CEP83: variants seen among roughly 807,000 people sequenced by gnomAD.
CEP83 encodes the protein centrosomal protein 83.
A neutral mutation model predicts 101.9 loss-of-function variants in CEP83; 70 were observed. The ratio of observed to expected loss-of-function variants is 0.69; its 90% confidence interval spans 0.57 to 0.84. The LOEUF (loss-of-function observed/expected upper bound fraction) is 0.84, where lower values mean the gene tolerates loss of function less well. Among genes scored for constraint, CEP83 ranks in the 40% least tolerant of loss-of-function variants. CEP83 has a pLI of 0.00. For synonymous variants in CEP83, 264 were observed against 267.9 expected (o/e 0.99, Z 0.14); for missense variants, 715 against 787.2 (o/e 0.91, Z 1.10).
chr12:94,322,104 C>T (rs143999364), intron 14 of CEP83, among the ~76,000 whole-genome samples: 221 of 152,154 alleles, frequency 1.5e-3, no homozygotes, highest in Non-Finnish European at 2.4e-3. Context: ...CTAGAGACCT[C>T]GGTTGGGAGA....
chr12:94,303,693 C>CATT, downstream of CEP83: 1 of 699,132 alleles, frequency 1.4e-6, no homozygotes, highest in Non-Finnish European at 1.9e-6. Flanking sequence ...ATTCCTCCAT[C>CATT]TTTTTTTTTT....
chr12:94,368,266 A>G, intron 9 of CEP83, 65 bp from the exon 10 acceptor site: 1 of 1,270,914 alleles, frequency 7.9e-7, no homozygotes, highest in South Asian at 1.4e-5. Context: ...ATCACATTTA[A>G]CAGCAAGCAT....
At chr12:94,403,039 C>T in intron 5 of CEP83, 131 bp downstream of exon 5, 1 of 544,018 alleles carries the variant, frequency 1.8e-6, no homozygotes, top group African/African-American at 1.9e-5. Context: ...CCTGTGAAGC[C>T]TTAGAGGCCA....
At chr12:94,455,813 G>C (rs148734188) in intron 1 of CEP83, among the ~76,000 whole-genome samples, 1 of 152,168 alleles carries the variant, frequency 6.6e-6, no homozygotes, top group African/African-American at 2.4e-5. Context: ...GGGAGGCCAA[G>C]GTGGGTGAAT....
At chr12:94,456,870 T>C (rs2067721245) in intron 1 of CEP83, among the ~76,000 whole-genome samples, 1 of 152,208 alleles carries the variant, frequency 6.6e-6, no homozygotes, top group South Asian at 2.1e-4. Flanking sequence ...AGGATACAGC[T>C]CATCGAGATC....
the CEP83 span, chr12:94,300,831 C>T: frequency 1.0e-5 from 14 of 1,355,366 alleles, no homozygotes; most frequent in South Asian, 2.9e-5. Flanking sequence ...CAAAAACACC[C>T]GTTTACAAAC....
At chr12:94,433,763 C>T (rs1386781425) in intron 2 of CEP83, among the ~76,000 whole-genome samples, 1 of 151,852 alleles carries the variant, frequency 6.6e-6, no homozygotes, top group Non-Finnish European at 1.5e-5. Context: ...ATACCCATCC[C>T]CCAGCAAAAA....
intron 9 of CEP83, 180 bp from the exon 10 acceptor site, chr12:94,368,381 C>A (rs151292682): frequency 2.3e-4 from 127 of 553,890 alleles, no homozygotes; most frequent in African/African-American, 2.3e-3. Flanking sequence ...ATGAAACAGG[C>A]TAAAACTCAG....
chr12:94,303,708 TTTTTA>T, downstream of CEP83: 1 of 1,169,552 alleles, frequency 8.6e-7, no homozygotes, highest in African/African-American at 1.6e-5. Flanking sequence ...TTTTTTTTTT[TTTTTA>T]CTCTTTTGGT....
At chr12:94,280,968 G>T in the CEP83 span, among the ~76,000 whole-genome samples, 1 of 152,186 alleles carries the variant, frequency 6.6e-6, no homozygotes, top group Non-Finnish European at 1.5e-5. Context: ...CCAGAAACCA[G>T]CCATCAACTG....
the CEP83 span, chr12:94,280,030 G>A: frequency 1.4e-5 from 5 of 364,792 alleles, no homozygotes; most frequent in Non-Finnish European, 2.7e-5. Context: ...TGATTTGTTT[G>A]TTGTGATACT....
In CEP83 at chr12:94,354,733, C is replaced by T. The variant is rs182345006; in HGVS notation, c.1343+13061G>A. 2.0e-4 allele frequency among the ~76,000 whole-genome samples: 30 copies of T among 152,148 alleles called. No homozygotes were observed. In the East Asian group the frequency reaches 3.9e-3, roughly 20 times the overall value. On this transcript the variant is annotated intron_variant, in intron 11 of 16. Transcript: ENST00000397809. ...GGAAATTAAAAAATTAACTGAAGGC[C>T]GGGTGTGGTGGCTCACACCTGTAAT...
intron 6 of CEP83, among the ~76,000 whole-genome samples, chr12:94,389,026 C>G (rs2062344105): frequency 1.3e-5 from 2 of 152,122 alleles, no homozygotes; most frequent in South Asian, 4.1e-4. Context: ...ATTCAGGAGG[C>G]TGAGGCAGGA....
chr12:94,438,691 A>G lies in CEP83; in HGVS notation c.-154-3364T>C, dbSNP rs146233935. Among the ~76,000 whole-genome samples the G allele has an allele frequency of 3.2e-4, 49 of 152,372 alleles. No individual in the cohort carries two copies. In the East Asian group the frequency reaches 8.7e-3, roughly 27 times the overall value. ...ACTATACCCTAAAACAAATGGACTTAACAGATATTTACAGAACATTCTACC... is the reference window on the plus strand; with the variant it reads ...ACTATACCCTAAAACAAATGGACTTGACAGATATTTACAGAACATTCTACC... On this transcript the variant is annotated intron_variant, in intron 1 of 16. Transcript: ENST00000397809.
the CEP83 span, among the ~76,000 whole-genome samples, chr12:94,280,746 C>T: frequency 6.6e-6 from 1 of 152,360 alleles, no homozygotes; most frequent in Non-Finnish European, 1.5e-5. Context: ...AAATATGTGG[C>T]TGTCACTACA....
chr12:94,443,617 C>T (rs1304878149), intron 1 of CEP83, among the ~76,000 whole-genome samples: 9 of 152,024 alleles, frequency 5.9e-5, no homozygotes, highest in East Asian at 1.9e-4. Flanking sequence ...CTCAGCCTCC[C>T]GAGTGGCTGG....
intron 2 of CEP83, among the ~76,000 whole-genome samples, chr12:94,421,128 T>C (rs2064709947): frequency 6.6e-6 from 1 of 152,064 alleles, no homozygotes; most frequent in Non-Finnish European, 1.5e-5. Flanking sequence ...GCACCATCAA[T>C]CTCCCAAGCT....
At chr12:94,279,253 T>C in the CEP83 span, among the ~76,000 whole-genome samples, 1 of 152,240 alleles carries the variant, frequency 6.6e-6, no homozygotes, top group Non-Finnish European at 1.5e-5. Flanking sequence ...TATTCAATGC[T>C]TGCTCTATAA....
At chr12:94,404,319 G>A (rs866358682) in intron 4 of CEP83, among the ~76,000 whole-genome samples, 2 of 152,112 alleles carry the variant, frequency 1.3e-5, no homozygotes, top group African/African-American at 2.4e-5. Context: ...GGCATGACAC[G>A]TCAAAGGAAT....
Sources: gnomAD v4.1 joint callset for allele counts (sites outside exome capture counted in the v4.1 genomes callset) on GRCh38, gnomAD v4.1.1 for gene constraint, MANE v1.5 for transcripts, NCBI Gene and HGNC (gene_info 2026-07-23, HGNC 2026-07-21) for gene names.